The following LRRC7 variants were observed in gnomAD, a reference collection of about 807,000 sequenced individuals.
LRRC7 encodes the protein leucine rich repeat containing 7.
A neutral mutation model predicts 175.7 loss-of-function variants in LRRC7; 23 were observed. That is an observed-to-expected ratio of 0.13 (90% CI 0.09 to 0.19). The LOEUF is 0.19. LRRC7 is among the 10% of genes least tolerant of loss of function. The pLI, the probability that LRRC7 is intolerant of heterozygous loss-of-function variation, is 1.00. For missense variants in LRRC7, 1,354 were observed against 1,904.7 expected, an observed-to-expected ratio of 0.71 and a Z score of 5.38; for synonymous variants, 685 against 680.9, an observed-to-expected ratio of 1.01 and a Z score of -0.09.
chr1:70,036,045 A>T, intron 18 of LRRC7, 76 bp from the exon 19 acceptor site: 1 of 1,139,832 alleles, frequency 8.8e-7, no homozygotes, highest in Middle Eastern at 2.1e-4. Context: ...ATCTGAGCCA[A>T]ATAAAGATAC....
chr1:70,127,608 C>G lies in LRRC7; in HGVS notation c.*5721C>G, dbSNP rs1666500924. On this transcript the variant is annotated 3_prime_UTR_variant, in exon 27 of 27. Transcript: ENST00000651989. Reference sequence around the variant, plus strand: ...CCCAGTTGGGTTCTGAGCTCATGCTCTTTGTAACAACACACTGAGCACTAA... The same window carrying G: ...CCCAGTTGGGTTCTGAGCTCATGCTGTTTGTAACAACACACTGAGCACTAA... 6.6e-6 allele frequency among the ~76,000 whole-genome samples: 1 copy of G among 152,182 alleles called. No homozygotes were observed. Among genetic ancestry groups the G allele is most frequent in the Non-Finnish European group, 1.5e-5 (1 of 68,038 alleles).
intron 23 of LRRC7, among the ~76,000 whole-genome samples, chr1:70,060,739 C>T (rs941679207): frequency 2.0e-5 from 3 of 152,122 alleles, no homozygotes; most frequent in Non-Finnish European, 4.4e-5. Context: ...TTCTTATTTC[C>T]GTTAACCTCA....
At chr1:69,588,745 G>A (rs1184698324) in intron 1 of LRRC7, among the ~76,000 whole-genome samples, 1 of 152,124 alleles carries the variant, frequency 6.6e-6, no homozygotes, top group Non-Finnish European at 1.5e-5. Context: ...TTAAAGTCTA[G>A]AGGTTTTTAA....
chr1:69,637,080 T>TCTC (rs1553130024), intron 1 of LRRC7, among the ~76,000 whole-genome samples: 8 of 148,586 alleles, frequency 5.4e-5, no homozygotes, highest in Admixed American at 2.0e-4. Context: ...CCTTCTCTCT[T>TCTC]TCTCTCTCTC....
intron 8 of LRRC7, among the ~76,000 whole-genome samples, chr1:69,934,338 A>G (rs969540596): frequency 4.6e-5 from 7 of 152,184 alleles, no homozygotes; most frequent in Non-Finnish European, 1.0e-4. Flanking sequence ...GAAGCAATGT[A>G]AATGTCCCAA....
Position 69,889,160 on chromosome 1 carries a change from C to T in LRRC7, c.648-42347C>T, listed in dbSNP as rs143716958. 3.3e-3 allele frequency among the ~76,000 whole-genome samples: 496 copies of T among 152,278 alleles called. 1 individual carries two copies. The highest frequency in any genetic ancestry group is 0.011 in the African/African-American group (447 of 41,550). On this transcript the variant is annotated intron_variant, in intron 7 of 26. Coordinates refer to ENST00000651989, the MANE Select transcript of LRRC7 (RefSeq NM_001370785.2). ...AGTAATATTTTTGTTGATAGAGGGT[C>T]TTTCCTTGATGTTAGTGACTGCTGA...
chr1:69,649,418 C>T (rs889561363), intron 1 of LRRC7, among the ~76,000 whole-genome samples: 1 of 152,086 alleles, frequency 6.6e-6, no homozygotes, highest in African/African-American at 2.4e-5. Context: ...AGCAGACCTA[C>T]AGTACTACGG....
chr1:69,688,258 TC>T (rs1661420951), intron 2 of LRRC7, among the ~76,000 whole-genome samples: 1 of 152,192 alleles, frequency 6.6e-6, no homozygotes. Context: ...GTTTAGTAGA[TC>T]CTGGAGCCAC....
At chr1:69,948,191 T>C (rs1365792919) in intron 8 of LRRC7, among the ~76,000 whole-genome samples, 1 of 151,100 alleles carries the variant, frequency 6.6e-6, no homozygotes, top group East Asian at 1.9e-4. Flanking sequence ...ATTTTCAGAT[T>C]ATGGTTGAAC....
chr1:69,851,762 A>C (rs1683018335), intron 7 of LRRC7, among the ~76,000 whole-genome samples: 1 of 152,126 alleles, frequency 6.6e-6, no homozygotes, highest in Non-Finnish European at 1.5e-5. Flanking sequence ...GGTGTTGACC[A>C]CCTATTTGTG....
Position 70,039,069 on chromosome 1 carries a change from C to T in LRRC7, c.3245C>T (p.Ala1082Val). Reference protein sequence around the residue: ...FNPQGSVEVKAEKRIPPPFQH... With the variant: ...FNPQGSVEVKVEKRIPPPFQH... ...CCTCAAGGATCAGTGGAAGTGAAAG[C>T]CGAAAAGAGGATACCACCCCCTTTT... Residue 1082 changes from alanine to valine, a missense_variant, in exon 21 of 27, where the codon GCC (alanine) becomes GTC (valine). This residue lies in a region of LRRC7 where 1,032 missense variants were observed against 1,227.2 expected (regional missense o/e 0.84). Transcript: ENST00000651989. 6.2e-7 allele frequency: 1 copy of T among 1,614,060 alleles called. No homozygotes were observed.
intron 1 of LRRC7, among the ~76,000 whole-genome samples, chr1:69,642,719 T>C (rs945224623): frequency 1.3e-5 from 2 of 152,092 alleles, no homozygotes; most frequent in Non-Finnish European, 2.9e-5. Flanking sequence ...TTTAAGTAGA[T>C]GTTTTAAATA....
chr1:69,984,877 G>A (rs1024076745), intron 9 of LRRC7, among the ~76,000 whole-genome samples: 3 of 152,058 alleles, frequency 2.0e-5, no homozygotes, highest in African/African-American at 7.2e-5. Flanking sequence ...ATTTCTTCAC[G>A]TGACATAGAA....
intron 1 of LRRC7, among the ~76,000 whole-genome samples, chr1:69,576,608 C>A (rs1187491758): frequency 2.6e-5 from 4 of 152,100 alleles, no homozygotes; most frequent in Non-Finnish European, 5.9e-5. Context: ...CATCTAATAA[C>A]CCTTTTTAAA....
At chr1:69,935,870 G>C (rs1480231034) in intron 8 of LRRC7, among the ~76,000 whole-genome samples, 1 of 152,026 alleles carries the variant, frequency 6.6e-6, no homozygotes, top group African/African-American at 2.4e-5. Flanking sequence ...TTTCTGTTTT[G>C]CTTAAGAAGT....
chr1:69,753,024 T>G (rs1448481394), intron 2 of LRRC7, among the ~76,000 whole-genome samples: 1 of 152,110 alleles, frequency 6.6e-6, no homozygotes, highest in African/African-American at 2.4e-5. Flanking sequence ...TAAAGCAATG[T>G]GTTCTCTAAT....
At position 69,987,533 on chromosome 1, in the gene LRRC7, C is replaced by A. The variant is rs553721011; in HGVS notation, c.931+1147C>A. ...CCTTCGTGGATGCTGCAGATCCAATCCAAGCCAACTTGTGACTTGCCATAG... is the reference window on the plus strand; with the variant it reads ...CCTTCGTGGATGCTGCAGATCCAATACAAGCCAACTTGTGACTTGCCATAG... On this transcript the variant is annotated intron_variant, in intron 10 of 26. Transcript: ENST00000651989. Among the ~76,000 whole-genome samples the A allele has an allele frequency of 2.0e-5, 3 of 152,162 alleles. No homozygotes were observed. In the South Asian group the frequency reaches 6.2e-4, roughly 31 times the overall value.
At chr1:69,848,452 C>T (rs1682611290) in intron 7 of LRRC7, among the ~76,000 whole-genome samples, 1 of 152,000 alleles carries the variant, frequency 6.6e-6, no homozygotes, top group South Asian at 2.1e-4. Context: ...TAAAAACAAC[C>T]CTGAATTTCA....
chr1:70,054,724 C>T lies in LRRC7; in HGVS notation c.4230+1579C>T, dbSNP rs577292059. ...ACGCCATTCTCCTGCCTCAGCCTCC[C>T]GAGTAGCTGGGACTACAGGGGCCTG... On this transcript the variant is annotated intron_variant, in intron 23 of 26. Coordinates refer to ENST00000651989, the MANE Select transcript of LRRC7 (RefSeq NM_001370785.2). Among the ~76,000 whole-genome samples, 5 of 151,652 alleles carry T rather than the reference C, an allele frequency of 3.3e-5. No individual in the cohort carries two copies. The East Asian group carries it at 5.8e-4, about 18-fold the overall frequency.
Sources: allele counts gnomAD v4.1 joint callset (sites outside exome capture counted in the v4.1 genomes callset), GRCh38; gene constraint gnomAD v4.1.1; regional missense constraint gnomAD v4.1.1; transcripts MANE v1.5; gene names NCBI Gene and HGNC (gene_info 2026-07-23, HGNC 2026-07-21).